The following INPP5A variants were observed in gnomAD, a reference collection of about 807,000 sequenced individuals.
The protein encoded by INPP5A is inositol polyphosphate-5-phosphatase A, also known as 43 kDa inositol polyphosphate 5-phophatase.
A neutral mutation model predicts 65.2 loss-of-function variants in INPP5A; 14 were observed. The ratio of observed to expected loss-of-function variants is 0.21; its 90% CI spans 0.14 to 0.34. INPP5A has a LOEUF of 0.34. Among genes scored for constraint, INPP5A ranks in the 10% least tolerant of loss-of-function variants. The pLI is 1.00. For synonymous variants in INPP5A, 207 were observed against 208.3 expected (o/e 0.99, Z 0.05); for missense variants, 431 against 545.6 (o/e 0.79, Z 2.09).
In INPP5A at chr10:132,704,059, G is replaced by A. The variant is rs968491106; in HGVS notation, c.475-4254G>A. ...CCCCCACACACACGCAGCTTCACCC[G>A]CATGGGTTCTGAAGGCTTGGCCTGA... On this transcript the variant is annotated intron_variant, in intron 6 of 15. Coordinates refer to ENST00000368594, the MANE Select transcript of INPP5A (RefSeq NM_005539.5). The surrounding 1 kb of genome is among the most constrained non-coding windows in gnomAD (Gnocchi z 4.5). Among the ~76,000 whole-genome samples the A allele has an allele frequency of 2.6e-4, 39 of 149,526 alleles. No individual in the cohort carries two copies. The highest frequency in any genetic ancestry group is 8.7e-4 in the African/African-American group (35 of 40,320).
chr10:132,780,791 C>A, intron 13 of INPP5A, 58 bp from the exon 14 acceptor site: 1 of 1,402,988 alleles, frequency 7.1e-7, no homozygotes, highest in South Asian at 1.1e-5. Context: ...AGTCAGCTCC[C>A]AACTGGACCC....
At chr10:132,759,313 T>A (rs1409472836) in intron 11 of INPP5A, among the ~76,000 whole-genome samples, 1 of 152,168 alleles carries the variant, frequency 6.6e-6, no homozygotes, top group Non-Finnish European at 1.5e-5. Flanking sequence ...CAAAGGTCTC[T>A]CCACCCACGA....
rs1330891961 is a variant in INPP5A, at chr10:132,659,777, A to G, written c.306+9272A>G. Among the ~76,000 whole-genome samples, 1 of 152,210 alleles carries G rather than the reference A, an allele frequency of 6.6e-6. No homozygotes were observed. The highest frequency in any genetic ancestry group is 2.4e-5 in the African/African-American group (1 of 41,458). Reference sequence around the variant, plus strand: ...CAGCACTGTCCCGAGTCAGGTCTGCACGGCTTCATGGCTGCCTGCCCTGGG... The same window carrying G: ...CAGCACTGTCCCGAGTCAGGTCTGCGCGGCTTCATGGCTGCCTGCCCTGGG... On this transcript the variant is annotated intron_variant, in intron 4 of 15. Coordinates refer to ENST00000368594, the MANE Select transcript of INPP5A (RefSeq NM_005539.5). This position sits in a 1 kb window ranked among gnomAD's most constrained non-coding sequence, Gnocchi z 5.5.
Position 132,616,522 on chromosome 10 carries a change from C to T in INPP5A, c.117+8566C>T, listed in dbSNP as rs2072035982. ...TGTGGTGTGTGTGGGATGCTGTGGT[C>T]ACATGGGACATGGTGTATGGGACGT... On this transcript the variant is annotated intron_variant, in intron 2 of 15. Coordinates refer to ENST00000368594, the MANE Select transcript of INPP5A (RefSeq NM_005539.5). This position sits in a 1 kb window ranked among gnomAD's most constrained non-coding sequence, Gnocchi z 4.9. Among the ~76,000 whole-genome samples the T allele has an allele frequency of 6.6e-6, 1 of 151,830 alleles. No homozygotes were observed. The highest frequency in any genetic ancestry group is 1.5e-5 in the Non-Finnish European group (1 of 67,948).
At chr10:132,710,191 G>A (rs1845609354) in intron 7 of INPP5A, 146 bp from the exon 8 acceptor site, 7 of 790,820 alleles carry the variant, frequency 8.9e-6, no homozygotes, top group Middle Eastern at 3.7e-4. Flanking sequence ...CGGAAGACAG[G>A]TGGGTGGACA....
rs552773002 is a variant in INPP5A, at chr10:132,653,656, A to T, written c.306+3151A>T. Among the ~76,000 whole-genome samples, 153 of 152,386 alleles carry T rather than the reference A, an allele frequency of 1.0e-3. 1 individual carries two copies. The highest frequency in any genetic ancestry group is 9.9e-3 in the South Asian group (48 of 4,828). ...ATTAAATTAGAAGTAAATAAAAAAGATATATGGAAAAGTCTCAAATATTTG... is the reference window on the plus strand; with the variant it reads ...ATTAAATTAGAAGTAAATAAAAAAGTTATATGGAAAAGTCTCAAATATTTG... On this transcript the variant is annotated intron_variant, in intron 4 of 15. Transcript: ENST00000368594.
chr10:132,734,403 C>G (rs184944623), intron 9 of INPP5A, among the ~76,000 whole-genome samples: 1 of 152,358 alleles, frequency 6.6e-6, no homozygotes, highest in East Asian at 1.9e-4. Flanking sequence ...CCTCCAGTGT[C>G]TTTGCAGCTG....
In INPP5A at chr10:132,674,103, T is replaced by C. The variant is rs1590915019; in HGVS notation, c.307-16289T>C. Among the ~76,000 whole-genome samples, 1 of 152,214 alleles carries C rather than the reference T, an allele frequency of 6.6e-6. No individual in the cohort carries two copies. Among genetic ancestry groups the C allele is most frequent in the East Asian group, 1.9e-4 (1 of 5,194 alleles). ...CCTGTCCACTTGATTATTTAAATGCTCCTCTGCTGAGGTCACCCATTGGTG... is the reference window on the plus strand; with the variant it reads ...CCTGTCCACTTGATTATTTAAATGCCCCTCTGCTGAGGTCACCCATTGGTG... On this transcript the variant is annotated intron_variant, in intron 4 of 15. Coordinates refer to ENST00000368594, the MANE Select transcript of INPP5A (RefSeq NM_005539.5). The surrounding 1 kb of genome is among the most constrained non-coding windows in gnomAD (Gnocchi z 4.4).
intron 4 of INPP5A, among the ~76,000 whole-genome samples, chr10:132,684,422 A>G (rs757421137): frequency 6.6e-6 from 1 of 152,082 alleles, no homozygotes; most frequent in Non-Finnish European, 1.5e-5. Context: ...TTACATATGT[A>G]TGTTTGTCTA....
chr10:132,640,513 G>A (rs2072412650), intron 2 of INPP5A, among the ~76,000 whole-genome samples: 1 of 152,258 alleles, frequency 6.6e-6, no homozygotes, highest in African/African-American at 2.4e-5. Context: ...GCCCAGGCTT[G>A]GGCAAAGCCC....
Position 132,749,764 on chromosome 10 carries a change from T to G in INPP5A, c.829-7T>G, listed in dbSNP as rs767124935. On this transcript the variant is annotated splice_polypyrimidine_tract_variant and splice_region_variant and intron_variant, in intron 10 of 15. Transcript: ENST00000368594. ...TCAGGTGCTCATGGGCCACTCTGAC[T>G]TCACAGGTTATGCTCCAGTTAGAAA... The G allele has an allele frequency of 1.9e-6, 3 of 1,612,984 alleles. No individual in the cohort carries two copies. The highest frequency in any genetic ancestry group is 2.2e-5 in the South Asian group (2 of 91,086).
At chr10:132,726,109 C>G (rs146030058) in intron 8 of INPP5A, among the ~76,000 whole-genome samples, 2 of 152,028 alleles carry the variant, frequency 1.3e-5, no homozygotes, top group Admixed American at 6.6e-5. Context: ...TAAGGGAAGC[C>G]GCAGTGGAAA....
Position 132,603,084 on chromosome 10 carries a change from T to A in INPP5A, c.76-4831T>A, listed in dbSNP as rs2071797643. Among the ~76,000 whole-genome samples the A allele has an allele frequency of 6.6e-6, 1 of 152,212 alleles. No individual in the cohort carries two copies. Among genetic ancestry groups the A allele is most frequent in the African/African-American group, 2.4e-5 (1 of 41,454 alleles). On this transcript the variant is annotated intron_variant, in intron 1 of 15. Transcript: ENST00000368594. The surrounding 1 kb of genome is among the most constrained non-coding windows in gnomAD (Gnocchi z 4.2). ...ATTTAACTAGTCCTAGTATTGCTTG[T>A]CAATTAATGCCTCTTCCCTCAACAG...
intron 9 of INPP5A, among the ~76,000 whole-genome samples, chr10:132,742,413 G>C (rs961802650): frequency 6.6e-6 from 1 of 152,228 alleles, no homozygotes; most frequent in East Asian, 1.9e-4. Context: ...TGAGCAGAGA[G>C]GGTGCCCACC....
At chr10:132,581,730 T>C (rs879017394) in intron 1 of INPP5A, among the ~76,000 whole-genome samples, 1 of 152,190 alleles carries the variant, frequency 6.6e-6, no homozygotes, top group Non-Finnish European at 1.5e-5. Context: ...TTTTTTGAGT[T>C]GTTTGTTTTC....
At chr10:132,607,721 C>T (rs111705260) in intron 1 of INPP5A, among the ~76,000 whole-genome samples, 194 bp from the exon 2 acceptor site, 3,537 of 152,332 alleles carry the variant, frequency 0.023, 49 homozygotes, top group South Asian at 0.04. Flanking sequence ...CAGCACAGAG[C>T]GGAGCCCCCA....
At chr10:132,559,523 C>T (rs1047455977) in intron 1 of INPP5A, among the ~76,000 whole-genome samples, 2 of 152,230 alleles carry the variant, frequency 1.3e-5, no homozygotes, top group African/African-American at 2.4e-5. Context: ...CCGCCAACCA[C>T]GAAGCCACTT....
chr10:132,727,967 A>T lies in INPP5A; in HGVS notation c.732+1062A>T, dbSNP rs1364251793. Among the ~76,000 whole-genome samples the T allele has an allele frequency of 1.3e-5, 2 of 152,060 alleles. No individual in the cohort carries two copies. Among genetic ancestry groups the T allele is most frequent in the Non-Finnish European group, 2.9e-5 (2 of 68,004 alleles). ...AACACCCACACGTATTCATCTTCCA[A>T]CGGTGGCAGGACATTGTTTCTGAAA... On this transcript the variant is annotated intron_variant, in intron 9 of 15. Transcript: ENST00000368594. The surrounding 1 kb of genome is among the most constrained non-coding windows in gnomAD (Gnocchi z 6.5).
chr10:132,552,825 C>T, intron 1 of INPP5A, among the ~76,000 whole-genome samples: 1 of 142,994 alleles, frequency 7.0e-6, no homozygotes, highest in Non-Finnish European at 1.5e-5. Context: ...TTCTCAGAGC[C>T]TTGGTGGCAT....
Sources: gnomAD v4.1 joint callset for allele counts (sites outside exome capture counted in the v4.1 genomes callset) on GRCh38, gnomAD v4.1.1 for gene constraint, Gnocchi (gnomAD v3.1) non-coding constraint, MANE v1.5 for transcripts, NCBI Gene and HGNC (gene_info 2026-07-23, HGNC 2026-07-21) for gene names.